Variants in GDPD4 observed in about 807,000 individuals in gnomAD.
The protein encoded by GDPD4 is glycerophosphodiester phosphodiesterase domain containing 4.
A neutral mutation model predicts 67.8 loss-of-function variants in GDPD4; 60 were observed. The observed-to-expected ratio is 0.88, with a 90% CI of 0.72 to 1.10. The LOEUF is 1.10. GDPD4 is among the 50% of genes least tolerant of loss of function. The pLI, the probability that GDPD4 is intolerant of heterozygous loss-of-function variation, is 0.00. For synonymous variants in GDPD4, 212 were observed against 210.9 expected, an observed-to-expected ratio of 1.00 and a Z score of -0.04; for missense variants, 623 against 613.9, an observed-to-expected ratio of 1.01 and a Z score of -0.16.
At chr11:77,228,905 T>C (rs1958399926) in intron 15 of GDPD4, among the ~76,000 whole-genome samples, 1 of 152,166 alleles carries the variant, frequency 6.6e-6, no homozygotes, top group East Asian at 1.9e-4. Flanking sequence ...CTGCTCCACA[T>C]TGAATCCATA....
intron 11 of GDPD4, among the ~76,000 whole-genome samples, chr11:77,254,219 G>A (rs1282767332): frequency 6.6e-6 from 1 of 152,154 alleles, no homozygotes; most frequent in South Asian, 2.1e-4. Context: ...GGACTGCAGG[G>A]GACCCCAATA....
intron 10 of GDPD4, among the ~76,000 whole-genome samples, chr11:77,263,409 T>C (rs1959157353): frequency 6.6e-6 from 1 of 151,790 alleles, no homozygotes; most frequent in African/African-American, 2.4e-5. Flanking sequence ...AAGTTAAAGA[T>C]CATATTGTAA....
At chr11:77,235,402 G>A (rs1314131167) in intron 13 of GDPD4, among the ~76,000 whole-genome samples, 1 of 152,014 alleles carries the variant, frequency 6.6e-6, no homozygotes, top group African/African-American at 2.4e-5. Flanking sequence ...GTGTGAGAGG[G>A]AATCACTCTA....
intron 4 of GDPD4, among the ~76,000 whole-genome samples, chr11:77,279,071 G>A (rs1295780411): frequency 6.6e-6 from 1 of 152,200 alleles, no homozygotes; most frequent in Admixed American, 6.5e-5. Flanking sequence ...CACTTTCAAA[G>A]GGCCAAACTG....
intron 1 of GDPD4, among the ~76,000 whole-genome samples, chr11:77,295,401 G>C (rs2135897656): frequency 1.3e-5 from 2 of 152,190 alleles, no homozygotes; most frequent in Middle Eastern, 3.4e-3. Context: ...GGAGGCTGAG[G>C]CTAGAGGATC....
At chr11:77,226,033 G>A (rs1472351739) in intron 16 of GDPD4, among the ~76,000 whole-genome samples, 2 of 152,116 alleles carry the variant, frequency 1.3e-5, no homozygotes, top group Non-Finnish European at 2.9e-5. Flanking sequence ...CAACCTAAGA[G>A]CTCTTAAAAA....
At chr11:77,275,263 C>G (rs1273080869) in intron 5 of GDPD4, among the ~76,000 whole-genome samples, 1 of 152,142 alleles carries the variant, frequency 6.6e-6, no homozygotes, top group Non-Finnish European at 1.5e-5. Flanking sequence ...GTCACTGGAG[C>G]TGCTCAAGCC....
Position 77,269,918 on chromosome 11 carries a change from C to CT in GDPD4, c.442dup (p.Arg148LysfsTer6). ...TGTGATTACATTACATTGCTTGAGT[C>CT]TTTTTTTCTCAGAATGTGTCATCCT... On this transcript the variant is annotated frameshift_variant, in exon 8 of 17. Coordinates refer to ENST00000315938, the MANE Select transcript of GDPD4 (RefSeq NM_182833.3). LOFTEE classifies it high-confidence loss of function. 11 of 1,590,884 alleles carry CT rather than the reference C, an allele frequency of 6.9e-6. No homozygotes were observed. The highest frequency in any genetic ancestry group is 2.7e-5 in the African/African-American group (2 of 74,318).
intron 16 of GDPD4, among the ~76,000 whole-genome samples, chr11:77,224,087 G>A (rs1299943034): frequency 1.3e-5 from 2 of 152,252 alleles, no homozygotes; most frequent in South Asian, 2.1e-4. Context: ...GATTTTCCTG[G>A]TACAGTCTGT....
Position 77,243,720 on chromosome 11 carries a change from GT to G in GDPD4, c.1214del (p.Tyr405SerfsTer9). On this transcript the variant is annotated frameshift_variant, in exon 13 of 17. Coordinates refer to ENST00000315938, the MANE Select transcript of GDPD4 (RefSeq NM_182833.3). LOFTEE classifies it high-confidence loss of function. ...KNNISIINVD[Y>X]KKLFPNGLRD... Reference sequence around the variant, plus strand: ...TTAACCCATTAGGGAACAACTTCTTGTAGTCAACATTTATTATACTGATATT... The same window carrying G: ...TTAACCCATTAGGGAACAACTTCTTGAGTCAACATTTATTATACTGATATT... 1 of 1,611,972 alleles carries G rather than the reference GT, an allele frequency of 6.2e-7. No individual in the cohort carries two copies. Among genetic ancestry groups the G allele is most frequent in the Admixed American group, 1.7e-5 (1 of 59,934 alleles).
intron 16 of GDPD4, among the ~76,000 whole-genome samples, chr11:77,221,135 C>A (rs1264301266): frequency 1.3e-5 from 2 of 151,718 alleles, no homozygotes; most frequent in African/African-American, 2.4e-5. Context: ...CTAATTGATT[C>A]TTCTCTATTA....
chr11:77,227,071 A>G (rs1958355425), intron 16 of GDPD4, among the ~76,000 whole-genome samples: 2 of 152,152 alleles, frequency 1.3e-5, no homozygotes, highest in Non-Finnish European at 2.9e-5. Context: ...TATATCCCAC[A>G]CCGCGCAGTC....
intron 11 of GDPD4, among the ~76,000 whole-genome samples, chr11:77,250,901 A>G (rs574545483): frequency 4.8e-4 from 73 of 152,298 alleles, no homozygotes; most frequent in Non-Finnish European, 9.1e-4. Context: ...TTATTATTTC[A>G]TAATGACCTT....
At chr11:77,239,359 A>G (rs1379977426) in intron 13 of GDPD4, among the ~76,000 whole-genome samples, 5 of 152,234 alleles carry the variant, frequency 3.3e-5, no homozygotes, top group Non-Finnish European at 7.3e-5. Flanking sequence ...GGCAAGAGAA[A>G]GAAAGAAAAG....
intron 1 of GDPD4, among the ~76,000 whole-genome samples, chr11:77,292,839 T>C (rs949386300): frequency 1.3e-5 from 2 of 152,132 alleles, no homozygotes; most frequent in Non-Finnish European, 2.9e-5. Flanking sequence ...ATAAATTCTA[T>C]AGATACATGA....
intron 16 of GDPD4, 52 bp from the exon 17 acceptor site, chr11:77,217,366 G>C: frequency 7.3e-7 from 1 of 1,373,554 alleles, no homozygotes; most frequent in Non-Finnish European, 1.0e-6. Context: ...TCCACTCTCT[G>C]TCAGTCATGT....
At chr11:77,294,957 T>C (rs902634971) in intron 1 of GDPD4, among the ~76,000 whole-genome samples, 3 of 138,796 alleles carry the variant, frequency 2.2e-5, no homozygotes, top group African/African-American at 8.1e-5. Context: ...ATCTACAACT[T>C]TGCTTTTTTT....
chr11:77,299,358 A>G (rs914333282), intron 1 of GDPD4, among the ~76,000 whole-genome samples: 9 of 152,304 alleles, frequency 5.9e-5, no homozygotes, highest in Admixed American at 4.6e-4. Flanking sequence ...CTTCTCAACA[A>G]GGTCAACCCT....
rs143971540 is a variant in GDPD4, at chr11:77,230,863, G to A, written c.1390-1631C>T. 9.9e-3 allele frequency among the ~76,000 whole-genome samples: 1,502 copies of A among 152,232 alleles called. 15 individuals are homozygous for A. The highest frequency in any genetic ancestry group is 0.027 in the Middle Eastern group (8 of 294). Reference sequence around the variant, plus strand: ...GCCAGGTGATTTTCCTTGGCCAATGGAACATCAGCAAACATAACACTGTGA... The same window carrying A: ...GCCAGGTGATTTTCCTTGGCCAATGAAACATCAGCAAACATAACACTGTGA... On this transcript the variant is annotated intron_variant, in intron 14 of 16. Coordinates refer to ENST00000315938, the MANE Select transcript of GDPD4 (RefSeq NM_182833.3).
Sources: gnomAD v4.1 joint callset for allele counts (sites outside exome capture counted in the v4.1 genomes callset) on GRCh38, gnomAD v4.1.1 for gene constraint, MANE v1.5 for transcripts, NCBI Gene and HGNC (gene_info 2026-07-23, HGNC 2026-07-21) for gene names.